The following DOCK1 variants were observed in gnomAD, a reference collection of about 807,000 sequenced individuals.
DOCK1 encodes the protein dedicator of cytokinesis protein 1.
DOCK1 carries 138 observed loss-of-function variants against 262.7 expected under a neutral mutation model. The ratio of observed to expected loss-of-function variants is 0.53; its 90% CI spans 0.46 to 0.61. The LOEUF is 0.61. DOCK1 is among the 20% of genes least tolerant of loss of function. The probability of loss-of-function intolerance (pLI) is 0.00; values close to 1 mark genes in which losing one functional copy is unlikely to be tolerated. For synonymous variants in DOCK1, 866 were observed against 867.4 expected, an observed-to-expected ratio of 1.00 and a Z score of 0.03; for missense variants, 1,908 against 2,370.7, an observed-to-expected ratio of 0.80 and a Z score of 4.05.
chr10:127,265,257 G>T (rs1486060515), intron 29 of DOCK1, among the ~76,000 whole-genome samples: 2 of 152,104 alleles, frequency 1.3e-5, no homozygotes, highest in Non-Finnish European at 2.9e-5. Flanking sequence ...AAAAACTATT[G>T]TTTGGTTTTG....
At chr10:126,976,432 G>C (rs979756184) in intron 2 of DOCK1, among the ~76,000 whole-genome samples, 3 of 152,152 alleles carry the variant, frequency 2.0e-5, no homozygotes, top group African/African-American at 7.2e-5. Context: ...AAAACAGCTG[G>C]TTAGTCATCC....
chr10:127,216,905 G>T (rs776349728), intron 27 of DOCK1, among the ~76,000 whole-genome samples: 21 of 152,138 alleles, frequency 1.4e-4, no homozygotes, highest in African/African-American at 4.8e-4. Flanking sequence ...AGTACATGTC[G>T]TGGGCAGTGC....
At chr10:127,075,016 G>A (rs551325878) in intron 23 of DOCK1, among the ~76,000 whole-genome samples, 2 of 151,734 alleles carry the variant, frequency 1.3e-5, no homozygotes, top group South Asian at 4.2e-4. Flanking sequence ...CTAAAAATAC[G>A]GAATTAGCTG....
At chr10:127,268,136 G>T (rs555754848) in intron 29 of DOCK1, among the ~76,000 whole-genome samples, 3 of 152,118 alleles carry the variant, frequency 2.0e-5, no homozygotes, top group East Asian at 3.9e-4. Context: ...GCCGCAAAGA[G>T]TCATTTCATC....
intron 23 of DOCK1, among the ~76,000 whole-genome samples, chr10:127,070,250 CTTT>C (rs71032535): frequency 1.1e-5 from 1 of 92,944 alleles, no homozygotes; most frequent in East Asian, 3.5e-4. Flanking sequence ...GAATTTAGCC[CTTT>C]TTTTTTTTTT....
chr10:126,971,362 TA>T (rs1159935944), intron 2 of DOCK1, among the ~76,000 whole-genome samples: 1 of 152,120 alleles, frequency 6.6e-6, no homozygotes, highest in African/African-American at 2.4e-5. Context: ...CAAGTGTGTA[TA>T]AATCTTGATT....
chr10:127,363,855 TC>T (rs1487078358), intron 33 of DOCK1, among the ~76,000 whole-genome samples: 2 of 152,208 alleles, frequency 1.3e-5, no homozygotes, highest in Non-Finnish European at 2.9e-5. Context: ...AGACTGAGAT[TC>T]ACAGGCTTAG....
At chr10:126,916,718 C>A (rs1185843626) in intron 1 of DOCK1, among the ~76,000 whole-genome samples, 1 of 151,926 alleles carries the variant, frequency 6.6e-6, no homozygotes, top group Non-Finnish European at 1.5e-5. Context: ...TCCTTCTACC[C>A]CTCCTTTCCT....
At chr10:127,409,487 G>C in intron 42 of DOCK1, 96 bp downstream of exon 42, 1 of 1,350,010 alleles carries the variant, frequency 7.4e-7, no homozygotes, top group Non-Finnish European at 1.0e-6. Context: ...ACGGACTTTG[G>C]CCATGGATTC....
rs2069437068 is a variant in DOCK1 at position 127,433,386 on chromosome 10, C to CCCTCTCAT, written c.5020_5027dup (p.Asp1677SerfsTer75). On this transcript the variant is annotated frameshift_variant, in exon 48 of 52. Transcript: ENST00000623213. LOFTEE classifies it high-confidence loss of function. ...CCTCTGTCTGTGGCCTCTGTCTCTTCCCTCTCATCGGACAGCACCCCTTCC... is the reference window on the plus strand; with the variant it reads ...CCTCTGTCTGTGGCCTCTGTCTCTTCCCTCTCATCCTCTCATCGGACAGCACCCCTTCC... The CCCTCTCAT allele has an allele frequency of 6.2e-7, 1 of 1,613,878 alleles. No homozygotes were observed. Among genetic ancestry groups the CCCTCTCAT allele is most frequent in the Non-Finnish European group, 8.5e-7 (1 of 1,179,906 alleles).
rs11429952 is a variant in DOCK1 at position 127,036,981 on chromosome 10, G to GAAAAAAAAAAAAAAA, written c.1913-736_1913-722dup. 2.2e-4 allele frequency among the ~76,000 whole-genome samples: 28 copies of GAAAAAAAAAAAAAAA among 127,960 alleles called. 1 individual carries two copies. Among genetic ancestry groups the GAAAAAAAAAAAAAAA allele is most frequent in the Non-Finnish European group, 3.7e-4 (23 of 61,870 alleles). 83.9% of individuals were successfully genotyped at this position (127,960 alleles called of 152,430 possible). A position where few individuals can be genotyped will look rare whatever the true frequency, so the allele number is the denominator to read the frequency against. Reference sequence around the variant, plus strand: ...AGCAAGAGCGAAACGCCATCTCAAGGAAAAAAAAAAAAAAAAGAAAAAGAA... The same window carrying GAAAAAAAAAAAAAAA: ...AGCAAGAGCGAAACGCCATCTCAAGGAAAAAAAAAAAAAAAAAAAAAAAAAAAAAAAGAAAAAGAA... On this transcript the variant is annotated intron_variant, in intron 18 of 51. Transcript: ENST00000623213.
At chr10:127,391,799 C>T (rs1205197497) in intron 38 of DOCK1, among the ~76,000 whole-genome samples, 2 of 152,104 alleles carry the variant, frequency 1.3e-5, no homozygotes, top group Non-Finnish European at 2.9e-5. Flanking sequence ...GATCCCTACC[C>T]ACTCTCCTCC....
rs1235612713 is a variant in DOCK1 at position 127,080,545 on chromosome 10, C to T, written c.2445+18769C>T. 5.9e-5 allele frequency among the ~76,000 whole-genome samples: 9 copies of T among 151,968 alleles called. No individual in the cohort carries two copies. In the East Asian group the frequency reaches 1.7e-3, roughly 30 times the overall value. On this transcript the variant is annotated intron_variant, in intron 23 of 51. Transcript: ENST00000623213. ...GTATTGCAAGCAGAAAATGTCACGT[C>T]GCCTGGAGCTGTTGGGGTAGTGTGG...
At chr10:127,401,572 G>A (rs1051784798) in intron 38 of DOCK1, among the ~76,000 whole-genome samples, 6 of 151,984 alleles carry the variant, frequency 3.9e-5, no homozygotes, top group East Asian at 1.9e-4. Context: ...GTTAAACTCC[G>A]CCATTTTGCC....
At chr10:127,099,518 T>C (rs1317434681) in intron 23 of DOCK1, among the ~76,000 whole-genome samples, 1 of 152,096 alleles carries the variant, frequency 6.6e-6, no homozygotes, top group African/African-American at 2.4e-5. Flanking sequence ...CTGCTTCTGG[T>C]GAGGGCTTCC....
intron 27 of DOCK1, among the ~76,000 whole-genome samples, chr10:127,207,997 G>A (rs369449058): frequency 1.3e-5 from 2 of 152,262 alleles, no homozygotes; most frequent in East Asian, 1.9e-4. Context: ...TCTTACATAC[G>A]CTAGATTGTA....
At chr10:126,965,137 C>T (rs2037566385) in intron 1 of DOCK1, among the ~76,000 whole-genome samples, 1 of 152,118 alleles carries the variant, frequency 6.6e-6, no homozygotes, top group Non-Finnish European at 1.5e-5. Flanking sequence ...ACAGAGTGTA[C>T]AGGGAGTTCA....
rs367900891 is a variant in DOCK1 at position 127,128,442 on chromosome 10, A to G, written c.2847+678A>G. 1.4e-3 allele frequency among the ~76,000 whole-genome samples: 204 copies of G among 146,470 alleles called. 1 individual carries two copies. In the South Asian group the frequency reaches 0.02, roughly 14 times the overall value. ...GAACATACAGGTTTGTTACGTAGGTATGCGTGTGCCATGGTGGTCTGCTGC... is the reference window on the plus strand; with the variant it reads ...GAACATACAGGTTTGTTACGTAGGTGTGCGTGTGCCATGGTGGTCTGCTGC... On this transcript the variant is annotated intron_variant, in intron 27 of 51. Coordinates refer to ENST00000623213, the MANE Select transcript of DOCK1 (RefSeq NM_001290223.2).
intron 21 of DOCK1, among the ~76,000 whole-genome samples, chr10:127,049,602 AAAGT>A (rs1398180960): frequency 2.0e-5 from 3 of 152,184 alleles, no homozygotes; most frequent in African/African-American, 7.2e-5. Flanking sequence ...AGAAATATAA[AAAGT>A]AAATAATTTG....
Sources: gnomAD v4.1 joint callset for allele counts (sites outside exome capture counted in the v4.1 genomes callset) on GRCh38, gnomAD v4.1.1 for gene constraint, MANE v1.5 for transcripts, NCBI Gene and HGNC (gene_info 2026-07-23, HGNC 2026-07-21) for gene names.